The following TBX15 variants were observed in gnomAD, a reference collection of about 807,000 sequenced individuals.
The protein encoded by TBX15 is T-box transcription factor TBX15.
TBX15 carries 18 observed loss-of-function variants against 53.9 expected under a neutral mutation model. The observed-to-expected ratio is 0.33, with a 90% confidence interval of 0.23 to 0.49. The LOEUF is 0.49. TBX15 is among the 20% of genes least tolerant of loss of function. The pLI, the probability that TBX15 is intolerant of heterozygous loss-of-function variation, is 0.98. For synonymous variants in TBX15, 295 were observed against 278.0 expected (o/e 1.06, Z -0.61); for missense variants, 692 against 749.5 (o/e 0.92, Z 0.90).
At chr1:118,904,250 T>C (rs1260054989) in intron 6 of TBX15, among the ~76,000 whole-genome samples, 1 of 152,162 alleles carries the variant, frequency 6.6e-6, no homozygotes, top group Non-Finnish European at 1.5e-5. Context: ...AACTAGAATA[T>C]ACTGTTCCTT....
chr1:118,943,080 A>C (rs946435692), intron 1 of TBX15, among the ~76,000 whole-genome samples: 2 of 152,202 alleles, frequency 1.3e-5, no homozygotes, highest in African/African-American at 4.8e-5. Flanking sequence ...CAATTTCTTC[A>C]TCTAAAATGG....
intron 6 of TBX15, among the ~76,000 whole-genome samples, chr1:118,906,077 G>C (rs1186803626): frequency 6.6e-6 from 1 of 152,164 alleles, no homozygotes; most frequent in Non-Finnish European, 1.5e-5. Flanking sequence ...TCAACTTGGA[G>C]ATAAAAATGG....
chr1:118,950,262 T>C (rs1656474091), intron 1 of TBX15, among the ~76,000 whole-genome samples: 1 of 152,226 alleles, frequency 6.6e-6, no homozygotes. Context: ...GAGACTTCTC[T>C]GCTGCTTTGA....
chr1:118,914,630 G>A (rs1655140414), intron 5 of TBX15, among the ~76,000 whole-genome samples: 1 of 152,206 alleles, frequency 6.6e-6, no homozygotes. Context: ...GGTGGAATCA[G>A]ACCACAAGAC....
At chr1:118,967,630 CAAG>C (rs1158892515) in intron 1 of TBX15, among the ~76,000 whole-genome samples, 2 of 152,164 alleles carry the variant, frequency 1.3e-5, no homozygotes, top group African/African-American at 4.8e-5. Flanking sequence ...CATGTAGACA[CAAG>C]AAGAGGTTAC....
chr1:118,986,597 G>A (rs1248676343), intron 1 of TBX15, among the ~76,000 whole-genome samples: 1 of 152,112 alleles, frequency 6.6e-6, no homozygotes, highest in Non-Finnish European at 1.5e-5. Flanking sequence ...GCCCCAGACC[G>A]TCTCTATCCC....
intron 1 of TBX15, among the ~76,000 whole-genome samples, chr1:118,943,207 C>T (rs1557893998): frequency 1.3e-5 from 2 of 152,194 alleles, no homozygotes; most frequent in African/African-American, 4.8e-5. Flanking sequence ...AGTCTTTTCT[C>T]AGTCACTTCC....
chr1:118,931,769 C>T lies in TBX15; in HGVS notation c.269G>A (p.Ser90Asn). The T allele has an allele frequency of 1.2e-6, 2 of 1,611,762 alleles. No individual in the cohort carries two copies. Among genetic ancestry groups the T allele is most frequent in the South Asian group, 1.1e-5 (1 of 90,694 alleles). The change falls in exon 2 of 8, where the codon AGT becomes AAT. Residue 90 changes from serine (S) to asparagine (N), a missense_variant. Physicochemically the swap from Ser to Asn is conservative, Grantham distance 46. This residue lies in a region of TBX15 where 307 missense variants were observed against 347.5 expected (regional missense o/e 0.88). Transcript: ENST00000369429. ...ACCAGAGGCCAGGTCAGTGTGAGTA[C>T]TGAAGGAGCAGGAAGTCCGCTCAGT... ...VLTERTSCSF[S>N]THTDLASGAA... is the part of the protein sequence containing the mutation.
intron 1 of TBX15, among the ~76,000 whole-genome samples, chr1:118,938,390 A>G (rs966415060): frequency 1.3e-5 from 2 of 152,104 alleles, no homozygotes; most frequent in East Asian, 3.9e-4. Context: ...AACAAGCAGC[A>G]CCTCTCTCAG....
intron 1 of TBX15, among the ~76,000 whole-genome samples, chr1:118,961,668 A>T (rs886889993): frequency 1.3e-5 from 2 of 152,190 alleles, no homozygotes; most frequent in Non-Finnish European, 2.9e-5. Flanking sequence ...TTTGCTCAAA[A>T]TTTCCTATCT....
chr1:118,973,117 A>G (rs74662063), intron 1 of TBX15, among the ~76,000 whole-genome samples: 2,921 of 152,312 alleles, frequency 0.019, 44 homozygotes, highest in Non-Finnish European at 0.028. Flanking sequence ...TAGATTTGTT[A>G]TCTCACTTAA....
chr1:118,892,861 C>T (rs1479796145), intron 7 of TBX15, among the ~76,000 whole-genome samples: 1 of 152,256 alleles, frequency 6.6e-6, no homozygotes, highest in South Asian at 2.1e-4. Flanking sequence ...ACTCACTCCT[C>T]ATATTATACG....
At chr1:118,914,080 T>A in intron 6 of TBX15, 35 bp downstream of exon 6, 1 of 1,609,726 alleles carries the variant, frequency 6.2e-7, no homozygotes. Flanking sequence ...TAATGTCACA[T>A]AGAAAAGAAG....
At chr1:118,978,525 T>C (rs548014201) in intron 1 of TBX15, among the ~76,000 whole-genome samples, 14 of 152,280 alleles carry the variant, frequency 9.2e-5, no homozygotes, top group Non-Finnish European at 2.1e-4. Flanking sequence ...TTTTCAACAT[T>C]AATATGTCTG....
intron 2 of TBX15, among the ~76,000 whole-genome samples, chr1:118,927,844 C>T (rs182418431): frequency 1.5e-3 from 224 of 152,244 alleles, no homozygotes; most frequent in South Asian, 6.8e-3. Flanking sequence ...TGTATCAAGC[C>T]GGACATAAAA....
intron 1 of TBX15, among the ~76,000 whole-genome samples, chr1:118,953,221 G>A (rs1656575926): frequency 6.6e-6 from 1 of 152,140 alleles, no homozygotes; most frequent in African/African-American, 2.4e-5. Flanking sequence ...TCATAAATGA[G>A]TCACTGGAAT....
intron 7 of TBX15, among the ~76,000 whole-genome samples, chr1:118,893,406 A>AAAGAAAGAAAGG (rs1279408921): frequency 8.4e-6 from 1 of 119,238 alleles, no homozygotes; most frequent in East Asian, 2.4e-4. Context: ...AGAAAGAAAG[A>AAAGAAAGAAAGG]AAGGAAGAAG....
intron 6 of TBX15, among the ~76,000 whole-genome samples, chr1:118,909,143 C>T (rs915020147): frequency 2.0e-5 from 3 of 152,224 alleles, no homozygotes; most frequent in African/African-American, 7.2e-5. Flanking sequence ...CTCACTGGGG[C>T]TCCCCTTGGG....
intron 5 of TBX15, among the ~76,000 whole-genome samples, chr1:118,916,228 A>G (rs1264205148): frequency 6.6e-6 from 1 of 152,228 alleles, no homozygotes; most frequent in Admixed American, 6.5e-5. Flanking sequence ...AGAAGGTCAT[A>G]AAGTTCACAA....
Sources: allele counts gnomAD v4.1 joint callset (sites outside exome capture counted in the v4.1 genomes callset), GRCh38; gene constraint gnomAD v4.1.1; regional missense constraint gnomAD v4.1.1; transcripts MANE v1.5; gene names NCBI Gene and HGNC (gene_info 2026-07-23, HGNC 2026-07-21).